The following EXOC2 variants were observed in gnomAD, a reference collection of about 807,000 sequenced individuals.
The protein encoded by EXOC2 is SEC5-like 1.
EXOC2 carries 70 observed loss-of-function variants against 131.8 expected under a neutral mutation model. That is an observed-to-expected ratio of 0.53 (90% CI 0.44 to 0.65). The LOEUF is 0.65. EXOC2 is among the 30% of genes least tolerant of loss of function. The pLI is 0.00. For missense variants in EXOC2, 923 were observed against 1,108.6 expected (o/e 0.83, Z 2.38); for synonymous variants, 411 against 398.4 (o/e 1.03, Z -0.38).
chr6:579,085 A>T (rs1201356791), intron 11 of EXOC2, among the ~76,000 whole-genome samples: 1 of 152,056 alleles, frequency 6.6e-6, no homozygotes. Context: ...CATTTCACTT[A>T]CTCTTGAAGG....
In EXOC2 at chr6:688,195, G is replaced by T. The variant is rs193187189; in HGVS notation, c.-44+4824C>A. ...TGTAAATGATGTGAAAGGATGAAAG[G>T]TTCGAAAAGCGTGAAAATGCTGAAA... On this transcript the variant is annotated intron_variant, in intron 1 of 27. Transcript: ENST00000230449. 3.0e-3 allele frequency among the ~76,000 whole-genome samples: 456 copies of T among 152,310 alleles called. 4 individuals are homozygous for T. The highest frequency in any genetic ancestry group is 0.027 in the Middle Eastern group (8 of 294).
intron 22 of EXOC2, among the ~76,000 whole-genome samples, chr6:532,880 T>G (rs534265094): frequency 6.6e-6 from 1 of 152,180 alleles, no homozygotes; most frequent in African/African-American, 2.4e-5. Context: ...TTAGGTAATT[T>G]ATAAAAGAAA....
At chr6:560,789 C>A (rs1487696800) in intron 17 of EXOC2, among the ~76,000 whole-genome samples, 1 of 151,562 alleles carries the variant, frequency 6.6e-6, no homozygotes, top group Non-Finnish European at 1.5e-5. Context: ...CTCACTGCAA[C>A]CTCTGCCTCC....
At chr6:607,980 T>TA (rs908171143) in intron 7 of EXOC2, among the ~76,000 whole-genome samples, 8 of 151,916 alleles carry the variant, frequency 5.3e-5, no homozygotes, top group Admixed American at 1.3e-4. Flanking sequence ...TTGCCCAATT[T>TA]AAAAAAAAAT....
rs945298691 is a variant in EXOC2 at position 522,637 on chromosome 6, G to A, written c.2380+9832C>T. On this transcript the variant is annotated intron_variant, in intron 23 of 27. Transcript: ENST00000230449. ...AGGTGAAATGATGGTGCAGCAAGGT[G>A]TCTCCAGGTCTCAGGCAGGTCCATG... 3.3e-5 allele frequency among the ~76,000 whole-genome samples: 5 copies of A among 149,442 alleles called. No homozygotes were observed. The East Asian group carries it at 1.0e-3, about 30-fold the overall frequency.
At chr6:586,243 A>T (rs1759199540) in intron 11 of EXOC2, among the ~76,000 whole-genome samples, 1 of 152,180 alleles carries the variant, frequency 6.6e-6, no homozygotes. Context: ...TCGAGTCAAG[A>T]GAGAGGTGGC....
intron 11 of EXOC2, among the ~76,000 whole-genome samples, chr6:582,288 CCTT>C (rs1758950623): frequency 6.6e-6 from 1 of 151,830 alleles, no homozygotes; most frequent in Non-Finnish European, 1.5e-5. Context: ...CAGAAGAGAC[CCTT>C]CTTAAGGGAA....
rs1196613702 is a variant in EXOC2 at position 629,729 on chromosome 6, C to T, written c.422+106G>A. 2.2e-6 allele frequency: 3 copies of T among 1,393,724 alleles called. No individual in the cohort carries two copies. The East Asian group carries it at 7.4e-5, about 34-fold the overall frequency. 86.3% of individuals were successfully genotyped at this position (1,393,724 alleles called of 1,614,324 possible). Reference sequence around the variant, plus strand: ...CTCCAAACAACTGAGGTGTCTTCAACTGTGTTTCCTGGGATGTTTCTGGAG... The same window carrying T: ...CTCCAAACAACTGAGGTGTCTTCAATTGTGTTTCCTGGGATGTTTCTGGAG... On this transcript the variant is annotated intron_variant, in intron 4 of 27. Transcript: ENST00000230449.
intron 6 of EXOC2, 67 bp from the exon 7 acceptor site, chr6:610,245 A>G (rs2127663116): frequency 7.5e-7 from 1 of 1,330,752 alleles, no homozygotes; most frequent in East Asian, 2.3e-5. Context: ...AATCAAAATG[A>G]TATTTTTAAA....
At chr6:510,650 GATGTGTAGAACAGACC>G (rs1472357729) in intron 23 of EXOC2, among the ~76,000 whole-genome samples, 1 of 151,788 alleles carries the variant, frequency 6.6e-6, no homozygotes, top group Non-Finnish European at 1.5e-5. Context: ...TGTAAAGTCT[GATGTGTAGAACAGACC>G]ATGAATTATC....
chr6:553,944 C>T (rs747121494), intron 20 of EXOC2, 24 bp from the exon 21 acceptor site: 13 of 1,596,732 alleles, frequency 8.1e-6, no homozygotes, highest in Non-Finnish European at 8.6e-6. Flanking sequence ...CAAGTAGGAA[C>T]AGTTACAAAT....
chr6:625,256 C>A (rs1761495599), intron 4 of EXOC2, among the ~76,000 whole-genome samples: 1 of 152,212 alleles, frequency 6.6e-6, no homozygotes, highest in Admixed American at 6.5e-5. Flanking sequence ...ATGCAGCATG[C>A]AAATCAATGG....
At chr6:564,465 T>C in intron 15 of EXOC2, 80 bp downstream of exon 15, 1 of 1,547,414 alleles carries the variant, frequency 6.5e-7, no homozygotes, top group Non-Finnish European at 8.8e-7. Context: ...GAATTTCTTC[T>C]TCACTGAATG....
At chr6:542,372 T>C (rs1479214589) in intron 22 of EXOC2, among the ~76,000 whole-genome samples, 1 of 152,264 alleles carries the variant, frequency 6.6e-6, no homozygotes, top group Non-Finnish European at 1.5e-5. Context: ...CATGCTGTTC[T>C]AGTGCCGAGA....
chr6:622,577 C>T (rs1053030542), intron 4 of EXOC2, among the ~76,000 whole-genome samples: 4 of 152,154 alleles, frequency 2.6e-5, no homozygotes, highest in Non-Finnish European at 5.9e-5. Context: ...GTATAAAATG[C>T]AGACACAAAA....
intron 17 of EXOC2, among the ~76,000 whole-genome samples, chr6:557,923 A>T (rs535660750): frequency 1.3e-5 from 2 of 152,082 alleles, no homozygotes; most frequent in East Asian, 3.9e-4. Flanking sequence ...GTAGGAGGCC[A>T]GGCTTCATCC....
At chr6:671,153 T>TA (rs1056077491) in intron 1 of EXOC2, among the ~76,000 whole-genome samples, 1 of 151,160 alleles carries the variant, frequency 6.6e-6, no homozygotes, top group Non-Finnish European at 1.5e-5. Flanking sequence ...GGTCAGGAGT[T>TA]AGAGACCAGT....
chr6:586,297 T>C (rs1479762704), intron 11 of EXOC2, among the ~76,000 whole-genome samples: 1 of 152,184 alleles, frequency 6.6e-6, no homozygotes, highest in African/African-American at 2.4e-5. Context: ...ATCCAATGTA[T>C]GTGCCATGAG....
intron 4 of EXOC2, among the ~76,000 whole-genome samples, chr6:627,205 G>T (rs1437681604): frequency 3.5e-5 from 3 of 85,190 alleles, no homozygotes; most frequent in African/African-American, 4.8e-5. Context: ...AGAGGTCAAA[G>T]AATTCAGTAA....
Sources: allele counts gnomAD v4.1 joint callset (sites outside exome capture counted in the v4.1 genomes callset), GRCh38; gene constraint gnomAD v4.1.1; transcripts MANE v1.5; gene names NCBI Gene and HGNC (gene_info 2026-07-23, HGNC 2026-07-21).